GALC: variants seen among roughly 807,000 people sequenced by gnomAD.
GALC encodes galactocerebrosidase.
In GALC, 77 loss-of-function variants were observed where a neutral mutation model predicts 91.8. The ratio of observed to expected loss-of-function variants is 0.84; its 90% CI spans 0.70 to 1.01. The LOEUF is 1.01. Among genes scored for constraint, GALC ranks in the 50% least tolerant of loss-of-function variants. The pLI is 0.00. For synonymous variants in GALC, 357 were observed against 306.7 expected, an observed-to-expected ratio of 1.16 and a Z score of -1.71; for missense variants, 882 against 855.9, an observed-to-expected ratio of 1.03 and a Z score of -0.38.
chr14:87,934,205 T>TA lies in GALC; in HGVS notation c.*526dup. The TA allele has an allele frequency of 2.2e-6, 3 of 1,394,982 alleles. No homozygotes were observed. Among genetic ancestry groups the TA allele is most frequent in the Non-Finnish European group, 2.8e-6 (3 of 1,078,008 alleles). The allele number at this position is 1,394,982 out of a possible 1,614,324, so 86.4% of individuals were successfully genotyped here. ...AAAAGTATCATCTTAAAAAGGAAAA[T>TA]AAAAAAATACTTTTTAGAGCATAAA... On this transcript the variant is annotated 3_prime_UTR_variant, in exon 17 of 17. Transcript: ENST00000261304.
At chr14:87,952,650 C>G (rs1381516578) in intron 10 of GALC, 2 of 1,544,538 alleles carry the variant, frequency 1.3e-6, no homozygotes, top group African/African-American at 2.7e-5. Context: ...GGATGAAAAA[C>G]AGCACAAAAA....
intron 7 of GALC, among the ~76,000 whole-genome samples, chr14:87,972,724 A>T (rs1886346496): frequency 6.6e-6 from 1 of 152,064 alleles, no homozygotes; most frequent in Non-Finnish European, 1.5e-5. Flanking sequence ...TGAGGAATAT[A>T]GAATAGTAAG....
intron 7 of GALC, among the ~76,000 whole-genome samples, chr14:87,972,009 C>T (rs1331034975): frequency 6.6e-6 from 1 of 152,088 alleles, no homozygotes; most frequent in Non-Finnish European, 1.5e-5. Context: ...CAAAAATCTG[C>T]AGATATAGCA....
In GALC at chr14:87,934,600, C is replaced by A. The variant is rs1219439531; in HGVS notation, c.*132G>T. 3.2e-6 allele frequency: 5 copies of A among 1,538,952 alleles called. No homozygotes were observed. Among genetic ancestry groups the A allele is most frequent in the Admixed American group, 2.0e-5 (1 of 50,482 alleles). On this transcript the variant is annotated 3_prime_UTR_variant, in exon 17 of 17. Coordinates refer to ENST00000261304, the MANE Select transcript of GALC (RefSeq NM_000153.4). ...GGGTAAATTAAAAATAAATTTCTCTCCCCTTTTACTCTTCATTATTTTTAG... is the reference window on the plus strand; with the variant it reads ...GGGTAAATTAAAAATAAATTTCTCTACCCTTTTACTCTTCATTATTTTTAG...
intron 1 of GALC, 35 bp downstream of exon 1, chr14:87,992,935 C>T (rs1379277921): frequency 1.3e-5 from 19 of 1,496,358 alleles, no homozygotes; most frequent in Non-Finnish European, 1.5e-5. Context: ...CGGGCTCTTG[C>T]CGCCCCCCGC....
At chr14:87,954,109 A>G (rs1885419029) in intron 10 of GALC, 3 of 1,609,392 alleles carry the variant, frequency 1.9e-6, no homozygotes, top group African/African-American at 2.7e-5. Context: ...TCATCTATTC[A>G]GCCTGAAGAA....
At chr14:87,941,823 T>A (rs1353973487) in intron 14 of GALC, among the ~76,000 whole-genome samples, 1 of 152,106 alleles carries the variant, frequency 6.6e-6, no homozygotes, top group South Asian at 2.1e-4. Context: ...TGAGAAAATT[T>A]TTTTTCTACA....
chr14:87,992,963 C>A lies in GALC; in HGVS notation c.195+7G>T, dbSNP rs1463850681. ...CCCCCCGCGTATCCCCGCAGCTTGC[C>A]GCTCACCCCGCCGCCGCTGACCGCG... On this transcript the variant is annotated splice_region_variant and intron_variant, in intron 1 of 16. Transcript: ENST00000261304. 1.3e-6 allele frequency: 2 copies of A among 1,514,198 alleles called. No individual in the cohort carries two copies. Among genetic ancestry groups the A allele is most frequent in the Admixed American group, 2.0e-5 (1 of 50,420 alleles). The allele number at this position is 1,514,198 out of a possible 1,614,324, so 93.8% of individuals were successfully genotyped here.
intron 10 of GALC, among the ~76,000 whole-genome samples, chr14:87,955,570 C>G (rs1310728594): frequency 3.3e-5 from 1 of 30,346 alleles, no homozygotes; most frequent in African/African-American, 7.0e-5. Flanking sequence ...AGTGCTTTTA[C>G]TTATCCCTAC....
chr14:87,975,757 TAC>T (rs61368820), intron 7 of GALC, among the ~76,000 whole-genome samples: 31 of 149,904 alleles, frequency 2.1e-4, no homozygotes, highest in Admixed American at 6.0e-4. Context: ...CACACATACA[TAC>T]ACACACACAC....
intron 12 of GALC, among the ~76,000 whole-genome samples, chr14:87,948,358 A>ACATAAGC (rs1885160955): frequency 6.6e-6 from 1 of 152,064 alleles, no homozygotes; most frequent in African/African-American, 2.4e-5. Context: ...ATATATTTCA[A>ACATAAGC]CTAGCAAGTT....
intron 6 of GALC, among the ~76,000 whole-genome samples, chr14:87,979,342 AACAAACGGAAC>A (rs1886643592): frequency 6.6e-6 from 1 of 152,112 alleles, no homozygotes; most frequent in East Asian, 1.9e-4. Flanking sequence ...CAGGCATTTC[AACAAACGGAAC>A]ACAGATCCCA....
At position 87,933,250 on chromosome 14, in the gene GALC, T is replaced by C. The variant is rs945748608; in HGVS notation, c.*1482A>G. 6 of 152,554 alleles carry C rather than the reference T, an allele frequency of 3.9e-5. No individual in the cohort carries two copies. The highest frequency in any genetic ancestry group is 2.0e-4 in the Admixed American group (3 of 15,252). The allele number at this position is 152,554 out of a possible 1,614,324, so 9.5% of individuals were successfully genotyped here. On this transcript the variant is annotated 3_prime_UTR_variant, in exon 17 of 17. Coordinates refer to ENST00000261304, the MANE Select transcript of GALC (RefSeq NM_000153.4). ...AACAAAGAAAACTAACCTATAGTGATAGAATTCCTATCAATGGCTGCCAAC... is the reference window on the plus strand; with the variant it reads ...AACAAAGAAAACTAACCTATAGTGACAGAATTCCTATCAATGGCTGCCAAC...
intron 14 of GALC, among the ~76,000 whole-genome samples, chr14:87,943,663 C>A (rs1425589199): frequency 6.6e-6 from 1 of 151,938 alleles, no homozygotes; most frequent in African/African-American, 2.4e-5. Context: ...AAGGTGGGGA[C>A]GATGATATCT....
chr14:87,938,808 T>C (rs1483828276), intron 16 of GALC, among the ~76,000 whole-genome samples: 1 of 151,908 alleles, frequency 6.6e-6, no homozygotes, highest in Admixed American at 6.6e-5. Context: ...TATCAAAATG[T>C]AAAACTTATA....
chr14:87,948,160 T>A (rs150945316), intron 12 of GALC, among the ~76,000 whole-genome samples: 3 of 152,034 alleles, frequency 2.0e-5, no homozygotes, highest in Non-Finnish European at 4.4e-5. Context: ...AGCCTATTCT[T>A]TTCCACTACA....
chr14:87,980,020 T>G (rs985886441), intron 6 of GALC, among the ~76,000 whole-genome samples: 8 of 151,932 alleles, frequency 5.3e-5, no homozygotes, highest in African/African-American at 1.9e-4. Context: ...CTTGAGTACC[T>G]AGCTCTGGCT....
chr14:87,978,271 G>A (rs958842887), intron 6 of GALC, among the ~76,000 whole-genome samples: 1 of 152,070 alleles, frequency 6.6e-6, no homozygotes, highest in Non-Finnish European at 1.5e-5. Context: ...GGCTGATCTC[G>A]AACTCCTGAC....
chr14:87,961,794 G>A (rs1885817590), intron 10 of GALC, among the ~76,000 whole-genome samples: 1 of 152,142 alleles, frequency 6.6e-6, no homozygotes, highest in East Asian at 1.9e-4. Context: ...GTGGCAGAAA[G>A]GTTAAGAATT....
Sources: allele counts gnomAD v4.1 joint callset (sites outside exome capture counted in the v4.1 genomes callset), GRCh38; gene constraint gnomAD v4.1.1; transcripts MANE v1.5; gene names NCBI Gene and HGNC (gene_info 2026-07-23, HGNC 2026-07-21).